The following RBFOX1 variants were observed in gnomAD, a reference collection of about 807,000 sequenced individuals.
The protein encoded by RBFOX1 is RNA binding protein fox-1 homolog 1.
Under a neutral mutation model 57.7 loss-of-function variants are expected in RBFOX1, and 8 were observed. That is an observed-to-expected ratio of 0.14 (90% CI 0.08 to 0.25). RBFOX1 has a LOEUF of 0.25. Among genes scored for constraint, RBFOX1 ranks in the 10% least tolerant of loss-of-function variants. The pLI, the probability that RBFOX1 is intolerant of heterozygous loss-of-function variation, is 1.00. For synonymous variants in RBFOX1, 326 were observed against 222.4 expected, an observed-to-expected ratio of 1.47 and a Z score of -4.15; for missense variants, 611 against 548.5, an observed-to-expected ratio of 1.11 and a Z score of -1.14.
At chr16:6,418,097 G>C (rs28568315) in intron 2 of RBFOX1, among the ~76,000 whole-genome samples, 1 of 151,878 alleles carries the variant, frequency 6.6e-6, no homozygotes, top group Non-Finnish European at 1.5e-5. Flanking sequence ...GACTAAGTAC[G>C]AATGGTAAGT....
intron 3 of RBFOX1, among the ~76,000 whole-genome samples, chr16:6,718,871 C>G (rs142729876): frequency 2.6e-5 from 4 of 151,708 alleles, no homozygotes; most frequent in African/African-American, 9.7e-5. Flanking sequence ...GTTGTTGTTG[C>G]TTGTTTTTTG....
intron 1 of RBFOX1, among the ~76,000 whole-genome samples, chr16:6,192,695 T>C (rs2097149795): frequency 6.6e-6 from 1 of 152,184 alleles, no homozygotes; most frequent in Admixed American, 6.5e-5. Context: ...TCTGTGTCTG[T>C]TTGGTTATCT....
chr16:5,926,743 C>G (rs559350424), intron 4 of RBFOX1, among the ~76,000 whole-genome samples: 41 of 152,328 alleles, frequency 2.7e-4, no homozygotes, highest in Admixed American at 5.9e-4. Flanking sequence ...CGCTTTTCCT[C>G]TGAAGGGGGT....
chr16:6,597,019 T>C (rs12930765), intron 2 of RBFOX1, among the ~76,000 whole-genome samples: 57,943 of 152,064 alleles, frequency 0.38, 13,206 homozygotes, highest in Middle Eastern at 0.55. Context: ...AGCTTTCTTA[T>C]CAACTTGGTA....
intron 3 of RBFOX1, among the ~76,000 whole-genome samples, chr16:6,774,319 C>T (rs891475039): frequency 1.1e-4 from 17 of 152,098 alleles, no homozygotes; most frequent in African/African-American, 3.6e-4. Context: ...AGGAAAGTAT[C>T]AGAATGCAGC....
chr16:7,002,902 A>G (rs2092956244), intron 3 of RBFOX1, among the ~76,000 whole-genome samples: 2 of 152,182 alleles, frequency 1.3e-5, no homozygotes, highest in Admixed American at 6.5e-5. Context: ...AGAAATCAGA[A>G]TAACACAAGA....
chr16:6,790,121 C>T (rs959394750), intron 3 of RBFOX1, among the ~76,000 whole-genome samples: 1 of 148,506 alleles, frequency 6.7e-6, no homozygotes, highest in African/African-American at 2.5e-5. Context: ...GAATTTTCTT[C>T]TGGTTCTGAT....
chr16:6,238,047 C>T (rs1164578887), intron 1 of RBFOX1, among the ~76,000 whole-genome samples: 6 of 143,628 alleles, frequency 4.2e-5, no homozygotes, highest in Admixed American at 7.2e-5. Context: ...GCTGAAATCG[C>T]GCCACTGTAC....
intron 4 of RBFOX1, among the ~76,000 whole-genome samples, chr16:7,316,598 A>G (rs1272021411): frequency 4.6e-5 from 7 of 152,212 alleles, no homozygotes; most frequent in African/African-American, 1.4e-4. Flanking sequence ...GGAGAGAGAC[A>G]GCCCATGAGC....
intron 3 of RBFOX1, among the ~76,000 whole-genome samples, chr16:6,857,384 C>T (rs946596425): frequency 4.6e-5 from 7 of 152,072 alleles, no homozygotes; most frequent in South Asian, 2.1e-4. Flanking sequence ...AATCAGAGGT[C>T]TCCATCCTAC....
At chr16:6,618,447 A>C (rs1789779400) in intron 2 of RBFOX1, among the ~76,000 whole-genome samples, 1 of 152,226 alleles carries the variant, frequency 6.6e-6, no homozygotes, top group South Asian at 2.1e-4. Context: ...GTGTGTCAGA[A>C]GTCCTACATT....
At chr16:5,864,069 A>C (rs1291509571) in intron 3 of RBFOX1, among the ~76,000 whole-genome samples, 1 of 152,128 alleles carries the variant, frequency 6.6e-6, no homozygotes, top group African/African-American at 2.4e-5. Flanking sequence ...TCCACCCTCC[A>C]GAAGGCCCCA....
Position 7,014,159 on chromosome 16 carries a change from T to G in RBFOX1, c.-15-37898T>G, listed in dbSNP as rs189262826. Reference sequence around the variant, plus strand: ...AATGCTCAAAAAGAACTGTCCAAGGTGCTGAAACTTTGACAAATGAAAATA... The same window carrying G: ...AATGCTCAAAAAGAACTGTCCAAGGGGCTGAAACTTTGACAAATGAAAATA... On this transcript the variant is annotated intron_variant, in intron 3 of 15. Coordinates refer to ENST00000550418, the MANE Select transcript of RBFOX1 (RefSeq NM_018723.4). Among the ~76,000 whole-genome samples the G allele has an allele frequency of 1.4e-3, 206 of 152,196 alleles. 1 individual carries two copies. The highest frequency in any genetic ancestry group is 2.2e-3 in the Non-Finnish European group (148 of 68,002).
At chr16:7,320,290 C>G (rs138851587) in intron 4 of RBFOX1, among the ~76,000 whole-genome samples, 1 of 152,034 alleles carries the variant, frequency 6.6e-6, no homozygotes, top group Non-Finnish European at 1.5e-5. Flanking sequence ...CATGTGTTCT[C>G]ATTGTTCAGC....
downstream of RBFOX1, among the ~76,000 whole-genome samples, chr16:5,603,824 T>C (rs2047455028): frequency 6.6e-6 from 1 of 152,240 alleles, no homozygotes; most frequent in Admixed American, 6.5e-5. Flanking sequence ...TGTTTCCTTT[T>C]GGGTTCACTC....
At chr16:6,660,861 C>T (rs976640009) in intron 3 of RBFOX1, among the ~76,000 whole-genome samples, 1 of 152,100 alleles carries the variant, frequency 6.6e-6, no homozygotes, top group African/African-American at 2.4e-5. Context: ...TAGGGGATCT[C>T]AGGGGAGTAT....
intron 2 of RBFOX1, among the ~76,000 whole-genome samples, chr16:6,496,169 G>A (rs1163421141): frequency 1.3e-5 from 2 of 152,136 alleles, no homozygotes; most frequent in Non-Finnish European, 1.5e-5. Context: ...ATTGGTATTT[G>A]TAAATTAGTG....
At chr16:6,132,640 C>A (rs1597618455) in intron 1 of RBFOX1, among the ~76,000 whole-genome samples, 1 of 152,206 alleles carries the variant, frequency 6.6e-6, no homozygotes. Flanking sequence ...GCGAAGGTGG[C>A]ATGGACTGTG....
intron 4 of RBFOX1, among the ~76,000 whole-genome samples, chr16:5,942,564 C>T (rs1047516121): frequency 1.3e-5 from 2 of 152,162 alleles, no homozygotes; most frequent in East Asian, 1.9e-4. Context: ...ATTATGCCTA[C>T]CTCTTAGCAG....
Sources: gnomAD v4.1 joint callset for allele counts (sites outside exome capture counted in the v4.1 genomes callset) on GRCh38, gnomAD v4.1.1 for gene constraint, MANE v1.5 for transcripts, NCBI Gene and HGNC (gene_info 2026-07-23, HGNC 2026-07-21) for gene names.